Variants in MGAT4A observed in about 807,000 individuals in gnomAD.
MGAT4A encodes the protein N-acetylglucosaminyltransferase IVa.
Under a neutral mutation model 74.1 loss-of-function variants are expected in MGAT4A, and 33 were observed. The observed-to-expected ratio is 0.45, with a 90% CI of 0.34 to 0.60. MGAT4A has a LOEUF of 0.60. MGAT4A is among the 20% of genes least tolerant of loss of function. The probability of loss-of-function intolerance (pLI) is 0.02; values close to 1 mark genes in which losing one functional copy is unlikely to be tolerated. For missense variants in MGAT4A, 479 were observed against 628.3 expected, an observed-to-expected ratio of 0.76 and a Z score of 2.54; for synonymous variants, 198 against 210.4, an observed-to-expected ratio of 0.94 and a Z score of 0.51.
chr2:98,663,316 A>G (rs1380645699), intron 4 of MGAT4A, 137 bp from the exon 5 acceptor site: 1 of 1,525,666 alleles, frequency 6.6e-7, no homozygotes, highest in Admixed American at 2.3e-5. Flanking sequence ...TTTCAGGAAG[A>G]AAAATAAAGA....
chr2:98,639,638 A>C (rs1701375822), intron 12 of MGAT4A, among the ~76,000 whole-genome samples, 170 bp downstream of exon 12: 1 of 152,212 alleles, frequency 6.6e-6, no homozygotes, highest in Non-Finnish European at 1.5e-5. Context: ...ATCTGAAAAC[A>C]ACATACTCGT....
intron 4 of MGAT4A, among the ~76,000 whole-genome samples, chr2:98,674,029 T>C (rs992551021): frequency 6.6e-6 from 1 of 152,172 alleles, no homozygotes; most frequent in African/African-American, 2.4e-5. Context: ...ATTTTAAGAG[T>C]TTCCACCTCC....
At chr2:98,631,695 C>A (rs1448507153) in intron 14 of MGAT4A, among the ~76,000 whole-genome samples, 2 of 152,212 alleles carry the variant, frequency 1.3e-5, no homozygotes, top group African/African-American at 4.8e-5. Flanking sequence ...CTGGCTCCCC[C>A]ATGTGCTGAG....
chr2:98,650,728 A>C (rs2104251548), intron 8 of MGAT4A, among the ~76,000 whole-genome samples: 1 of 152,328 alleles, frequency 6.6e-6, no homozygotes, highest in Middle Eastern at 3.4e-3. Context: ...AGGCAGGTGG[A>C]TCACCTGAGG....
At chr2:98,699,753 T>G (rs1223964024) in intron 2 of MGAT4A, among the ~76,000 whole-genome samples, 1 of 152,216 alleles carries the variant, frequency 6.6e-6, no homozygotes, top group Non-Finnish European at 1.5e-5. Flanking sequence ...TTATACAATA[T>G]GCACAGTATG....
chr2:98,725,934 C>T (rs1037061770), intron 2 of MGAT4A: 4 of 406,560 alleles, frequency 9.8e-6, no homozygotes, highest in Non-Finnish European at 1.7e-5. Context: ...GTAAAAAGAA[C>T]AAAATGCCAA....
chr2:98,709,813 T>C (rs905649863), intron 2 of MGAT4A, among the ~76,000 whole-genome samples: 11 of 152,094 alleles, frequency 7.2e-5, no homozygotes, highest in African/African-American at 1.9e-4. Context: ...TGCCACAGCA[T>C]AAAGCAAGAG....
intron 2 of MGAT4A, among the ~76,000 whole-genome samples, chr2:98,707,171 G>A (rs1021778473): frequency 6.6e-5 from 10 of 152,118 alleles, no homozygotes; most frequent in Non-Finnish European, 1.0e-4. Context: ...CTGAGATCAC[G>A]TCATTGCACT....
At chr2:98,699,515 T>TC (rs1054900433) in intron 2 of MGAT4A, among the ~76,000 whole-genome samples, 8 of 151,910 alleles carry the variant, frequency 5.3e-5, no homozygotes, top group African/African-American at 1.7e-4. Flanking sequence ...CTTTTTTTTT[T>TC]CCCCCTAAAT....
At position 98,716,399 on chromosome 2, in the gene MGAT4A, C is replaced by A. The variant is rs542461560; in HGVS notation, c.94+9840G>T. Among the ~76,000 whole-genome samples, 3 of 152,234 alleles carry A rather than the reference C, an allele frequency of 2.0e-5. No homozygotes were observed. In the South Asian group the frequency reaches 6.2e-4, roughly 32 times the overall value. Reference sequence around the variant, plus strand: ...TTGGGAGGCCAAGGCGGGTAGATCACCTGAGGTCAGGAGTTTGAGACCAGC... The same window carrying A: ...TTGGGAGGCCAAGGCGGGTAGATCAACTGAGGTCAGGAGTTTGAGACCAGC... On this transcript the variant is annotated intron_variant, in intron 2 of 15. Coordinates refer to ENST00000393487, the MANE Select transcript of MGAT4A (RefSeq NM_012214.3).
At chr2:98,727,615 GT>G (rs938670966) in intron 1 of MGAT4A, among the ~76,000 whole-genome samples, 1 of 152,148 alleles carries the variant, frequency 6.6e-6, no homozygotes, top group Admixed American at 6.5e-5. Flanking sequence ...TGACACTGTA[GT>G]GGGGGAGTTA....
intron 2 of MGAT4A, among the ~76,000 whole-genome samples, chr2:98,682,151 GGTGGCTCACGCCT>G (rs768054632): frequency 2.0e-5 from 3 of 152,156 alleles, no homozygotes; most frequent in Non-Finnish European, 4.4e-5. Flanking sequence ...GGCCAGGTGC[GGTGGCTCACGCCT>G]GTAATCCCAG....
At chr2:98,716,735 A>G (rs1366156858) in intron 2 of MGAT4A, among the ~76,000 whole-genome samples, 1 of 152,220 alleles carries the variant, frequency 6.6e-6, no homozygotes, top group African/African-American at 2.4e-5. Context: ...CTTTGAGGAT[A>G]CCAAAATCTG....
intron 2 of MGAT4A, among the ~76,000 whole-genome samples, chr2:98,684,006 TAA>T (rs1702097122): frequency 6.6e-6 from 1 of 152,210 alleles, no homozygotes; most frequent in South Asian, 2.1e-4. Context: ...TCTGCCACAT[TAA>T]AAGAGTTCTC....
intron 2 of MGAT4A, among the ~76,000 whole-genome samples, chr2:98,703,002 A>G (rs1443622676): frequency 6.6e-6 from 1 of 152,244 alleles, no homozygotes; most frequent in Admixed American, 6.5e-5. Context: ...GGAAAAAGAA[A>G]CCAGGACTCA....
rs762482428 is a variant in MGAT4A at position 98,675,049 on chromosome 2, T to C, written c.389A>G (p.Asn130Ser). The change falls in exon 4 of 16, where the codon AAC (asparagine) becomes AGC (serine). Residue 130 changes from asparagine (N) to serine (S), a missense_variant. By Grantham distance (46) the Asn-to-Ser change is conservative. Around this residue, in one of 3 missense-constraint regions of MGAT4A, gnomAD observed 205 missense variants for 232.7 expected, o/e 0.88. Transcript: ENST00000393487. ...GSLQPAVQIGNGRTGVSIVMG... is the reference protein window; with the variant it reads ...GSLQPAVQIGSGRTGVSIVMG... Reference sequence around the variant, plus strand: ...AATAAACATACCTCCTGTTCTTCCGTTGCCAATCTGTACAGCAGGTTGAAG... The same window carrying C: ...AATAAACATACCTCCTGTTCTTCCGCTGCCAATCTGTACAGCAGGTTGAAG... 3.7e-6 allele frequency: 6 copies of C among 1,608,606 alleles called. No individual in the cohort carries two copies. The Admixed American group carries it at 8.6e-5, about 23-fold the overall frequency.
At chr2:98,679,154 C>A (rs1224989423) in intron 2 of MGAT4A, among the ~76,000 whole-genome samples, 1 of 152,074 alleles carries the variant, frequency 6.6e-6, no homozygotes, top group African/African-American at 2.4e-5. Flanking sequence ...CGCCTGTAAT[C>A]CCAGCACTTT....
intron 2 of MGAT4A, among the ~76,000 whole-genome samples, chr2:98,690,457 T>C (rs949407230): frequency 6.6e-6 from 1 of 152,192 alleles, no homozygotes; most frequent in African/African-American, 2.4e-5. Flanking sequence ...GATGGATGCT[T>C]TGGACTTTCA....
chr2:98,672,473 C>T (rs1264389390), intron 4 of MGAT4A, among the ~76,000 whole-genome samples: 1 of 152,124 alleles, frequency 6.6e-6, no homozygotes, highest in Non-Finnish European at 1.5e-5. Context: ...GCAGTTGTGC[C>T]GTTTTGGTAG....
Sources: gnomAD v4.1 joint callset for allele counts (sites outside exome capture counted in the v4.1 genomes callset) on GRCh38, gnomAD v4.1.1 for gene constraint, gnomAD v4.1.1 regional missense constraint, MANE v1.5 for transcripts, NCBI Gene and HGNC (gene_info 2026-07-23, HGNC 2026-07-21) for gene names.